The following ANKS1A variants were observed in gnomAD, a reference collection of about 807,000 sequenced individuals.
ANKS1A encodes ankyrin repeat and SAM domain-containing protein 1A.
A neutral mutation model predicts 120.3 loss-of-function variants in ANKS1A; 55 were observed. The observed-to-expected ratio is 0.46, with a 90% CI of 0.37 to 0.57. The LOEUF (loss-of-function observed/expected upper bound fraction) is 0.57, where lower values mean the gene tolerates loss of function less well. Ranked by LOEUF, ANKS1A falls within the 20% of genes least tolerant of loss-of-function variation. The pLI, the probability that ANKS1A is intolerant of heterozygous loss-of-function variation, is 0.00. For missense variants in ANKS1A, 1,123 were observed against 1,480.3 expected, an observed-to-expected ratio of 0.76 and a Z score of 3.96; for synonymous variants, 590 against 604.7, an observed-to-expected ratio of 0.98 and a Z score of 0.36.
intron 13 of ANKS1A, among the ~76,000 whole-genome samples, chr6:35,061,590 G>C (rs1308282461): frequency 6.6e-6 from 1 of 152,222 alleles, no homozygotes; most frequent in Non-Finnish European, 1.5e-5. Context: ...ACCTCACCCA[G>C]AGCCATCTCC....
intron 9 of ANKS1A, among the ~76,000 whole-genome samples, chr6:34,992,541 T>A (rs117075355): frequency 2.4e-4 from 36 of 152,342 alleles, no homozygotes; most frequent in Non-Finnish European, 4.1e-4. Context: ...TTTCTAGGGC[T>A]CTGTGTAAGT....
rs138802691 is a variant in ANKS1A at position 34,967,346 on chromosome 6, C to G, written c.278+27C>G. ...TAAGTATCAATGTACTACATTCCTG[C>G]CTTCACCCTTCAGAACCCAGGCCTT... On this transcript the variant is annotated intron_variant, in intron 2 of 23. Transcript: ENST00000360359. 2.5e-4 allele frequency: 408 copies of G among 1,605,964 alleles called. 1 individual carries two copies. In the African/African-American group the frequency reaches 4.1e-3, roughly 16 times the overall value.
intron 1 of ANKS1A, among the ~76,000 whole-genome samples, chr6:34,912,492 G>A (rs762555567): frequency 1.3e-5 from 2 of 152,178 alleles, no homozygotes; most frequent in African/African-American, 2.4e-5. Flanking sequence ...CCCTGGGACC[G>A]TGTGGCCTGC....
intron 1 of ANKS1A, among the ~76,000 whole-genome samples, chr6:34,891,350 G>A (rs1766814580): frequency 6.6e-6 from 1 of 152,214 alleles, no homozygotes; most frequent in African/African-American, 2.4e-5. Context: ...CATATATCAT[G>A]TTTATATTCT....
At position 35,082,072 on chromosome 6, in the gene ANKS1A, A is replaced by G. The variant is rs1336491728; in HGVS notation, c.2710-619A>G. ...CGGTTGCTGTTGAGAGGCTCTGCGC[A>G]CTGCTGGGAAGGGAGGGCCTCCGTG... On this transcript the variant is annotated intron_variant, in intron 17 of 23. Transcript: ENST00000360359. The surrounding 1 kb of genome is among the most constrained non-coding windows in gnomAD (Gnocchi z 4.1). Among the ~76,000 whole-genome samples the G allele has an allele frequency of 1.3e-5, 2 of 152,064 alleles. No individual in the cohort carries two copies.
intron 9 of ANKS1A, among the ~76,000 whole-genome samples, chr6:34,991,778 A>G (rs1410843057): frequency 7.0e-6 from 1 of 143,284 alleles, no homozygotes; most frequent in African/African-American, 2.6e-5. Context: ...ACATATATAT[A>G]CACACATATA....
intron 9 of ANKS1A, among the ~76,000 whole-genome samples, chr6:34,992,384 CACATGGA>C (rs1475927028): frequency 6.6e-6 from 1 of 152,182 alleles, no homozygotes; most frequent in African/African-American, 2.4e-5. Flanking sequence ...CCTGATTTTC[CACATGGA>C]AGTCATCAGC....
intron 23 of ANKS1A, among the ~76,000 whole-genome samples, chr6:35,087,318 G>T (rs1266952159): frequency 4.6e-5 from 7 of 152,190 alleles, no homozygotes; most frequent in Non-Finnish European, 1.0e-4. Flanking sequence ...TTTGAGGTGG[G>T]CATCAAGAGG....
intron 10 of ANKS1A, among the ~76,000 whole-genome samples, chr6:35,015,825 C>T (rs1239109318): frequency 6.6e-6 from 1 of 152,226 alleles, no homozygotes; most frequent in Non-Finnish European, 1.5e-5. Flanking sequence ...GCATTGGAGA[C>T]TGTGTTTTAG....
intron 10 of ANKS1A, among the ~76,000 whole-genome samples, chr6:35,014,113 C>G (rs1773895063): frequency 6.6e-6 from 1 of 152,126 alleles, no homozygotes; most frequent in South Asian, 2.1e-4. Flanking sequence ...CCCTAAGAGA[C>G]CTTATATTAT....
chr6:34,999,222 G>T (rs1206709763), intron 10 of ANKS1A, among the ~76,000 whole-genome samples: 2 of 152,158 alleles, frequency 1.3e-5, no homozygotes, highest in Admixed American at 1.3e-4. Flanking sequence ...TCCTTGACAG[G>T]GTTGGTCTTG....
At chr6:35,020,467 A>C (rs374930654) in intron 11 of ANKS1A, among the ~76,000 whole-genome samples, 20 of 152,112 alleles carry the variant, frequency 1.3e-4, no homozygotes, top group African/African-American at 4.1e-4. Context: ...CTGAGGGATG[A>C]CTCCTGGATA....
chr6:34,996,772 C>G (rs1772877396), intron 10 of ANKS1A, among the ~76,000 whole-genome samples: 1 of 152,024 alleles, frequency 6.6e-6, no homozygotes, highest in African/African-American at 2.4e-5. Context: ...TGCCTGGCCA[C>G]CAATCTTTTC....
At chr6:35,004,918 G>C (rs774342147) in intron 10 of ANKS1A, among the ~76,000 whole-genome samples, 1 of 152,148 alleles carries the variant, frequency 6.6e-6, no homozygotes, top group Non-Finnish European at 1.5e-5. Flanking sequence ...TTAAGCTAAC[G>C]TGGGATTATA....
chr6:35,048,193 T>C (rs1205471404), intron 11 of ANKS1A, among the ~76,000 whole-genome samples: 3 of 152,144 alleles, frequency 2.0e-5, no homozygotes, highest in Non-Finnish European at 4.4e-5. Context: ...CAAAGCACTT[T>C]TGAAACAAAA....
chr6:34,950,244 T>TG (rs1335655325), intron 1 of ANKS1A, among the ~76,000 whole-genome samples: 8 of 140,136 alleles, frequency 5.7e-5, no homozygotes, highest in African/African-American at 2.0e-4. Context: ...TTTTTTTTTT[T>TG]GGGACGGAGT....
rs1319209681 is a variant in ANKS1A at position 35,083,424 on chromosome 6, C to T, written c.2915C>T (p.Thr972Met). The change falls in exon 20 of 24, where the codon ACG (threonine) becomes ATG (methionine). Residue 972 changes from threonine to methionine, a missense_variant. Physicochemically the swap from Thr to Met is moderately conservative, Grantham distance 81. Transcript: ENST00000360359. Reference protein sequence around the residue: ...QDACAKMRKSTEHMKKIPTII... With the variant: ...QDACAKMRKSMEHMKKIPTII... The stretch of plus-strand genomic sequence containing the variant: ...ACCCCTTGTTTCCTGTAGAAATCTA[C>T]GGAGCACATGAAGAAGATCCCCACC... 5 of 1,614,014 alleles carry T rather than the reference C, an allele frequency of 3.1e-6. No homozygotes were observed. The highest frequency in any genetic ancestry group is 1.3e-5 in the African/African-American group (1 of 74,998).
intron 1 of ANKS1A, among the ~76,000 whole-genome samples, chr6:34,936,878 AT>A (rs1239055667): frequency 6.6e-6 from 1 of 152,228 alleles, no homozygotes; most frequent in Non-Finnish European, 1.5e-5. Flanking sequence ...TAAAACTGAT[AT>A]GTAGCTTCAT....
chr6:35,040,072 A>G (rs1043100734), intron 11 of ANKS1A, among the ~76,000 whole-genome samples: 2 of 152,178 alleles, frequency 1.3e-5, no homozygotes, highest in African/African-American at 2.4e-5. Flanking sequence ...ATACCTTCAT[A>G]GTGGGGGTGA....
Sources: allele counts gnomAD v4.1 joint callset (sites outside exome capture counted in the v4.1 genomes callset), GRCh38; gene constraint gnomAD v4.1.1; non-coding constraint Gnocchi (gnomAD v3.1); transcripts MANE v1.5; gene names NCBI Gene and HGNC (gene_info 2026-07-23, HGNC 2026-07-21).